The following ATP11C variants were observed in gnomAD, a reference collection of about 807,000 sequenced individuals.
The protein encoded by ATP11C is phospholipid-transporting ATPase IG.
Under a neutral mutation model 97.4 loss-of-function variants are expected in ATP11C, and 36 were observed. That is an observed-to-expected ratio of 0.37 (90% confidence interval 0.28 to 0.49). The LOEUF (loss-of-function observed/expected upper bound fraction) is 0.49, where lower values mean the gene tolerates loss of function less well. Ranked by LOEUF, ATP11C falls within the 20% of genes least tolerant of loss-of-function variation. ATP11C has a pLI of 0.98. For missense variants in ATP11C, 730 were observed against 824.6 expected, an observed-to-expected ratio of 0.89 and a Z score of 1.40; for synonymous variants, 275 against 290.9, an observed-to-expected ratio of 0.95 and a Z score of 0.56.
At chrX:139,796,208 C>A in intron 12 of ATP11C, 65 bp downstream of exon 12, 1 of 878,778 alleles carries the variant, frequency 1.1e-6, no homozygotes. Flanking sequence ...ATTGGTAATC[C>A]AGACTACACA....
chrX:139,832,121 T>A, intron 1 of ATP11C: 1 of 1,197,890 alleles, frequency 8.3e-7, no homozygotes, highest in African/African-American at 1.7e-5. Flanking sequence ...CCAACCTGGC[T>A]GAAAAGAGGA....
At chrX:139,778,688 G>C (rs2082395862) in intron 18 of ATP11C, among the ~76,000 whole-genome samples, 1 of 111,300 alleles carries the variant, frequency 9.0e-6, no homozygotes, top group Non-Finnish European at 1.9e-5. Flanking sequence ...AATTAGCTGA[G>C]TGTGGTGGCA....
intron 28 of ATP11C, among the ~76,000 whole-genome samples, chrX:139,736,828 T>C (rs1270760105): frequency 9.0e-6 from 1 of 111,347 alleles, no homozygotes; most frequent in Non-Finnish European, 1.9e-5. Flanking sequence ...GACAGTTCTC[T>C]TGTTTTTGAT....
Position 139,846,600 on chromosome X carries a change from G to A in ATP11C, c.28-19777C>T, listed in dbSNP as rs112304136. Reference sequence around the variant, plus strand: ...AAAGCAGGATTTGGGCTCTAATGGTGACCATAAAACACTATGAAGAAACGC... The same window carrying A: ...AAAGCAGGATTTGGGCTCTAATGGTAACCATAAAACACTATGAAGAAACGC... On this transcript the variant is annotated intron_variant, in intron 1 of 29. Transcript: ENST00000682941. 9.6e-3 allele frequency among the ~76,000 whole-genome samples: 1,067 copies of A among 111,554 alleles called. 22 individuals carry two copies. The highest frequency in any genetic ancestry group is 0.033 in the African/African-American group (1,026 of 30,753).
intron 1 of ATP11C, among the ~76,000 whole-genome samples, chrX:139,894,333 C>G (rs970980976): frequency 1.8e-5 from 2 of 112,146 alleles, no homozygotes; most frequent in Non-Finnish European, 3.8e-5. Context: ...GCTGGGAAGA[C>G]AGAAAAGGTC....
At chrX:139,820,273 C>T (rs1362840644) in intron 2 of ATP11C, among the ~76,000 whole-genome samples, 1 of 109,064 alleles carries the variant, frequency 9.2e-6, no homozygotes, top group African/African-American at 3.3e-5. Flanking sequence ...TGGTGGTGCA[C>T]GCCTGTAGTC....
chrX:139,909,576 G>A (rs971173072), intron 1 of ATP11C, among the ~76,000 whole-genome samples: 1 of 111,486 alleles, frequency 9.0e-6, no homozygotes, highest in Non-Finnish European at 1.9e-5. Flanking sequence ...ACACACACAA[G>A]TGAATACAAA....
chrX:139,804,376 TAAG>T, intron 6 of ATP11C, 92 bp downstream of exon 6: 1 of 677,091 alleles, frequency 1.5e-6, no homozygotes, highest in East Asian at 3.8e-5. Context: ...AAAATAAAAA[TAAG>T]AAAAAATAAA....
rs1365140306 is a variant in ATP11C, at chrX:139,729,001, T to C, written c.*4-39A>G. ...AATATACAGATTTAAAAGGCTTATT[T>C]TAATAATGTGAAACCATCTGTTAAG... On this transcript the variant is annotated intron_variant, in intron 29 of 29. Coordinates refer to ENST00000682941, the MANE Select transcript of ATP11C (RefSeq NM_001353812.2). 3 of 1,029,764 alleles carry C rather than the reference T, an allele frequency of 2.9e-6. No homozygotes were observed. The South Asian group carries it at 6.3e-5, about 22-fold the overall frequency. 84.9% of individuals were successfully genotyped at this position (1,029,764 alleles called of 1,213,427 possible). A position where few individuals can be genotyped will look rare whatever the true frequency, so the allele number is the denominator to read the frequency against.
intron 1 of ATP11C, among the ~76,000 whole-genome samples, chrX:139,912,543 A>G (rs920442775): frequency 2.7e-5 from 3 of 111,269 alleles, no homozygotes; most frequent in African/African-American, 9.8e-5. Flanking sequence ...GATTTTTCCA[A>G]GGCTACACTG....
intron 1 of ATP11C, among the ~76,000 whole-genome samples, chrX:139,829,634 T>C (rs1342225400): frequency 9.0e-6 from 1 of 111,603 alleles, no homozygotes; most frequent in Non-Finnish European, 1.9e-5. Context: ...CCCATTCAAT[T>C]GTCCTTAAGA....
At chrX:139,820,067 T>G (rs2147856797) in intron 2 of ATP11C, among the ~76,000 whole-genome samples, 1 of 110,732 alleles carries the variant, frequency 9.0e-6, no homozygotes, top group South Asian at 3.9e-4. Context: ...CACACTGTAA[T>G]CCCAGCTACT....
chrX:139,843,113 T>C (rs2083859467), intron 1 of ATP11C, among the ~76,000 whole-genome samples: 1 of 112,486 alleles, frequency 8.9e-6, no homozygotes, highest in South Asian at 3.7e-4. Context: ...CTGTAACATA[T>C]GGAAGGCTGC....
intron 12 of ATP11C, among the ~76,000 whole-genome samples, 196 bp downstream of exon 12, chrX:139,796,077 C>G (rs770296555): frequency 8.9e-6 from 1 of 111,960 alleles, no homozygotes; most frequent in Non-Finnish European, 1.9e-5. Flanking sequence ...TTGTATCCTT[C>G]TCAAAAATGC....
chrX:139,740,994 A>G lies in ATP11C; in HGVS notation c.3131T>C (p.Ile1044Thr), dbSNP rs1348871617. Residue 1044 changes from isoleucine to threonine, a missense_variant, in exon 27 of 30, where the codon ATT becomes ACT. Physicochemically the swap from Ile to Thr is moderately conservative, Grantham distance 89. Coordinates refer to ENST00000682941, the MANE Select transcript of ATP11C (RefSeq NM_001353812.2). ...VFFSFFWGGI[I>T]WPFLKQQRMY... is the part of the protein sequence containing the mutation. ...TCACACATGTACAATTGCTTACCAA[A>G]TAATTCCTCCCCAGAAGAATGAGAA... The G allele has an allele frequency of 6.8e-6, 8 of 1,177,551 alleles. No individual in the cohort carries two copies. The highest frequency in any genetic ancestry group is 9.2e-6 in the Non-Finnish European group (8 of 866,358).
chrX:139,735,339 C>T (rs950891604), intron 28 of ATP11C, among the ~76,000 whole-genome samples: 1 of 112,007 alleles, frequency 8.9e-6, no homozygotes, highest in African/African-American at 3.2e-5. Flanking sequence ...ACAGCACTGG[C>T]AGCTGACCTG....
chrX:139,922,223 A>AATATATATATAT (rs201394639), intron 1 of ATP11C, among the ~76,000 whole-genome samples: 66 of 43,731 alleles, frequency 1.5e-3, no homozygotes, highest in East Asian at 1.9e-3. Context: ...TCCTTCTCTA[A>AATATATATATAT]ATATATATAT....
chrX:139,923,910 A>G (rs2085305432), intron 1 of ATP11C, among the ~76,000 whole-genome samples: 1 of 112,229 alleles, frequency 8.9e-6, no homozygotes, highest in Non-Finnish European at 1.9e-5. Flanking sequence ...ACAATCCAGG[A>G]TATAAACCAA....
chrX:139,781,511 A>C (rs2082457620), intron 18 of ATP11C, among the ~76,000 whole-genome samples: 1 of 111,648 alleles, frequency 9.0e-6, no homozygotes, highest in African/African-American at 3.2e-5. Context: ...CCAGCAGTTC[A>C]AGACCAGCCT....
Sources: allele counts gnomAD v4.1 joint callset (sites outside exome capture counted in the v4.1 genomes callset), GRCh38; gene constraint gnomAD v4.1.1; transcripts MANE v1.5; gene names NCBI Gene and HGNC (gene_info 2026-07-23, HGNC 2026-07-21).